The following ZFAND2A variants were observed in gnomAD, a reference collection of about 807,000 sequenced individuals.
The protein encoded by ZFAND2A is AN1-type zinc finger protein 2A.
ZFAND2A carries 20 observed loss-of-function variants against 11.6 expected under a neutral mutation model. That is an observed-to-expected ratio of 1.72 (90% CI 1.21 to 2.50). The LOEUF is 2.50. ZFAND2A is among the 30% of genes most tolerant of loss of function. ZFAND2A has a pLI of 0.00. For missense variants in ZFAND2A, 234 were observed against 182.9 expected (o/e 1.28, Z -1.61); for synonymous variants, 93 against 60.6 (o/e 1.54, Z -2.48).
chr7:1,152,411 T>C (rs1793416619), downstream of ZFAND2A: 26 of 1,452,414 alleles, frequency 1.8e-5, no homozygotes, highest in South Asian at 3.1e-4. Context: ...CACAGCTTCC[T>C]GCAGGTAAGC....
chr7:1,159,109 C>T (rs372638328), intron 1 of ZFAND2A, among the ~76,000 whole-genome samples: 10 of 152,148 alleles, frequency 6.6e-5, no homozygotes, highest in South Asian at 2.1e-4. Flanking sequence ...ATGTTACACG[C>T]CCGCTACTTA....
At chr7:1,153,485 T>TC (rs946755112) in intron 4 of ZFAND2A, among the ~76,000 whole-genome samples, 1 of 152,146 alleles carries the variant, frequency 6.6e-6, no homozygotes, top group Non-Finnish European at 1.5e-5. Flanking sequence ...CAGGTGATCC[T>TC]CCCGCCTTGG....
intron 3 of ZFAND2A, among the ~76,000 whole-genome samples, chr7:1,156,064 C>T (rs1793519450): frequency 6.6e-6 from 1 of 152,276 alleles, no homozygotes; most frequent in Non-Finnish European, 1.5e-5. Context: ...GTACTAACGA[C>T]CGTCACTGGC....
chr7:1,157,830 C>T (rs1042442103), intron 2 of ZFAND2A, 80 bp from the exon 3 acceptor site: 3 of 1,144,942 alleles, frequency 2.6e-6, no homozygotes, highest in Admixed American at 2.5e-5. Flanking sequence ...TGTTTACCTA[C>T]ACTAAGTGTT....
At chr7:1,149,907 C>T (rs1182502478), downstream of ZFAND2A, among the ~76,000 whole-genome samples, 4 of 149,356 alleles carry the variant, frequency 2.7e-5, no homozygotes, top group Admixed American at 2.7e-4. Flanking sequence ...GGCTGGAGTG[C>T]AATGGCACGA....
rs776487479 is a variant in ZFAND2A, at chr7:1,152,947, CAACA to C, written c.*118_*121del. On this transcript the variant is annotated 3_prime_UTR_variant, in exon 5 of 5. Coordinates refer to ENST00000316495, the MANE Select transcript of ZFAND2A (RefSeq NM_182491.4). ...AATTTTATTATAGTCCCATCTCCCT[CAACA>C]AACAAGATCAGCAGCCAGTGTGGGA... 12 of 1,367,230 alleles carry C rather than the reference CAACA, an allele frequency of 8.8e-6. No homozygotes were observed. The highest frequency in any genetic ancestry group is 7.2e-6 in the Non-Finnish European group (7 of 977,522). The allele number at this position is 1,367,230 out of a possible 1,614,324, so 84.7% of individuals were successfully genotyped here.
At chr7:1,155,815 T>G (rs1002521528) in intron 3 of ZFAND2A, 10 of 405,984 alleles carry the variant, frequency 2.5e-5, no homozygotes, top group African/African-American at 2.1e-4. Context: ...CGAATGGACT[T>G]CAGCCGACTG....
At position 1,155,521 on chromosome 7, in the gene ZFAND2A, G is replaced by T. The variant is rs1251917698; in HGVS notation, c.214C>A (p.Pro72Thr). The change falls in exon 4 of 5, where the codon CCA becomes ACA. Residue 72 changes from proline (P) to threonine (T), a missense_variant. Pro to Thr is a conservative substitution (Grantham distance 38). Coordinates refer to ENST00000316495, the MANE Select transcript of ZFAND2A (RefSeq NM_182491.4). ...TPIPVKKGQIPDVVVGDHIDR... is the reference protein window; with the variant it reads ...TPIPVKKGQITDVVVGDHIDR... The stretch of plus-strand genomic sequence containing the variant: ...ATGTGATCACCAACCACCACGTCTG[G>T]TATCTGGCCCTTTTTTACTGGGATG... The T allele has an allele frequency of 6.2e-7, 1 of 1,613,958 alleles. No homozygotes were observed.
downstream of ZFAND2A, among the ~76,000 whole-genome samples, chr7:1,150,812 C>T (rs1039850640): frequency 6.6e-6 from 1 of 151,974 alleles, no homozygotes; most frequent in Non-Finnish European, 1.5e-5. Flanking sequence ...TGGCATTTTG[C>T]AACTTTCTTG....
rs770827538 is a variant in ZFAND2A, at chr7:1,155,516, G to A, written c.219C>T (p.Asp73=). Residue 73 remains aspartate (D), a synonymous_variant, in exon 4 of 5, where the codon GAC becomes GAT. Coordinates refer to ENST00000316495, the MANE Select transcript of ZFAND2A (RefSeq NM_182491.4). The part of the protein sequence containing the change: ...PIPVKKGQIP[D]VVVGDHIDRD... Reference sequence around the variant, plus strand: ...TGTCAATGTGATCACCAACCACCACGTCTGGTATCTGGCCCTTTTTTACTG... The same window carrying A: ...TGTCAATGTGATCACCAACCACCACATCTGGTATCTGGCCCTTTTTTACTG... 6 of 1,613,796 alleles carry A rather than the reference G, an allele frequency of 3.7e-6. No homozygotes were observed. The highest frequency in any genetic ancestry group is 4.5e-5 in the East Asian group (2 of 44,874).
intron 4 of ZFAND2A, among the ~76,000 whole-genome samples, chr7:1,154,223 C>T (rs1379529586): frequency 6.2e-5 from 9 of 145,078 alleles, no homozygotes; most frequent in South Asian, 2.2e-4. Context: ...ATGTAGGCAG[C>T]GATATAAAGT....
downstream of ZFAND2A, among the ~76,000 whole-genome samples, chr7:1,149,735 A>G (rs183204065): frequency 3.4e-3 from 511 of 152,320 alleles, 2 homozygotes; most frequent in Non-Finnish European, 4.5e-3. Context: ...GCTGTAGGCC[A>G]CTGCGGCACG....
chr7:1,158,997 T>C (rs1343082509), intron 1 of ZFAND2A, among the ~76,000 whole-genome samples: 1 of 152,076 alleles, frequency 6.6e-6, no homozygotes, highest in East Asian at 1.9e-4. Flanking sequence ...GGAGGCCTCC[T>C]AGACTGTCGC....
In ZFAND2A at chr7:1,153,181, T is replaced by C; in HGVS notation, c.326A>G (p.Glu109Gly). ...TTGGGCACATACCATCTGCAGCATC[T>C]CTTTCTTCTTGCAGCCCTCTTTTGA... ...RCSKEGCKKKEMLQMVCAQCH... is the reference protein window; with the variant it reads ...RCSKEGCKKKGMLQMVCAQCH... The change falls in exon 5 of 5, where the codon GAG (glutamate) becomes GGG (glycine). Residue 109 changes from glutamate (E) to glycine (G), a missense_variant. Coordinates refer to ENST00000316495, the MANE Select transcript of ZFAND2A (RefSeq NM_182491.4). 1 of 1,614,116 alleles carries C rather than the reference T, an allele frequency of 6.2e-7. No individual in the cohort carries two copies. The highest frequency in any genetic ancestry group is 8.5e-7 in the Non-Finnish European group (1 of 1,179,962).
At chr7:1,157,510 A>G (rs1793556555) in intron 3 of ZFAND2A, 146 bp downstream of exon 3, 2 of 745,866 alleles carry the variant, frequency 2.7e-6, no homozygotes, top group Non-Finnish European at 4.3e-6. Flanking sequence ...CAGGCACCTG[A>G]AACGAGGCTA....
downstream of ZFAND2A, among the ~76,000 whole-genome samples, chr7:1,150,517 T>C (rs1197846092): frequency 6.6e-6 from 1 of 152,128 alleles, no homozygotes; most frequent in Non-Finnish European, 1.5e-5. Flanking sequence ...TCAGTATAAA[T>C]CTAACACCAG....
downstream of ZFAND2A, chr7:1,152,391 C>T (rs1251855916): frequency 1.8e-5 from 26 of 1,479,826 alleles, no homozygotes; most frequent in African/African-American, 2.8e-5. Flanking sequence ...GTGCTGACCG[C>T]AAGAACCCAC....
chr7:1,159,121 G>A (rs1338879760), intron 1 of ZFAND2A, among the ~76,000 whole-genome samples: 1 of 152,078 alleles, frequency 6.6e-6, no homozygotes. Flanking sequence ...CGCTACTTAA[G>A]GTGCCCATTA....
Position 1,155,528 on chromosome 7 carries a change from G to A in ZFAND2A, c.207C>T (p.Gly69=), listed in dbSNP as rs1793503488. ...CACCAACCACCACGTCTGGTATCTG[G>A]CCCTTTTTTACTGGGATGGGGGTAT... is the stretch of plus-strand genomic sequence containing the variant. ...LCNTPIPVKK[G]QIPDVVVGDH... Residue 69 remains glycine, a synonymous_variant, in exon 4 of 5, where the codon GGC becomes GGT. Coordinates refer to ENST00000316495, the MANE Select transcript of ZFAND2A (RefSeq NM_182491.4). The A allele has an allele frequency of 6.2e-7, 1 of 1,613,862 alleles. No homozygotes were observed. The highest frequency in any genetic ancestry group is 8.5e-7 in the Non-Finnish European group (1 of 1,179,886).
Sources: allele counts gnomAD v4.1 joint callset (sites outside exome capture counted in the v4.1 genomes callset), GRCh38; gene constraint gnomAD v4.1.1; transcripts MANE v1.5; gene names NCBI Gene and HGNC (gene_info 2026-07-23, HGNC 2026-07-21).